Variants in LINGO2 observed in about 807,000 individuals in gnomAD.
LINGO2 encodes the protein leucine-rich repeat and immunoglobulin-like domain-containing nogo receptor-interacting protein 2.
LINGO2 carries 14 observed loss-of-function variants against 30.6 expected under a neutral mutation model. The observed-to-expected ratio is 0.46, with a 90% confidence interval of 0.30 to 0.72. LINGO2 has a LOEUF of 0.72. Among genes scored for constraint, LINGO2 ranks in the 30% least tolerant of loss-of-function variants. The probability of loss-of-function intolerance (pLI) is 0.07; values close to 1 mark genes in which losing one functional copy is unlikely to be tolerated. For missense variants in LINGO2, 729 were observed against 751.7 expected, an observed-to-expected ratio of 0.97 and a Z score of 0.35; for synonymous variants, 317 against 288.5, an observed-to-expected ratio of 1.10 and a Z score of -1.00.
rs767914308 is a variant in LINGO2, at chr9:27,949,930, C to T, written c.742G>A (p.Gly248Ser). The T allele has an allele frequency of 1.6e-5, 26 of 1,613,838 alleles. No homozygotes were observed. In the Admixed American group the frequency reaches 2.7e-4, roughly 17 times the overall value. The stretch of plus-strand genomic sequence containing the variant: ...ACTGAAAGGGATGTGAGGTTGAGAC[C>T]GTAGAGGCTATTGGCAGGCATCATA... Residue 248 changes from glycine to serine, a missense_variant, in exon 6 of 6, where the codon GGT becomes AGT. Gly to Ser is a moderately conservative substitution (Grantham distance 56, BLOSUM62 0). Transcript: ENST00000379992.
chr9:28,943,624 T>A, the LINGO2 span, among the ~76,000 whole-genome samples: 1 of 152,202 alleles, frequency 6.6e-6, no homozygotes, highest in African/African-American at 2.4e-5. Context: ...TATTGTCTTT[T>A]ATTTGCAGTC....
the LINGO2 span, among the ~76,000 whole-genome samples, chr9:28,794,671 G>A: frequency 6.6e-6 from 1 of 152,030 alleles, no homozygotes; most frequent in Non-Finnish European, 1.5e-5. Context: ...GATTTATTCT[G>A]GAAGTGTAAT....
At chr9:28,485,658 T>C (rs1430306652) in intron 1 of LINGO2, among the ~76,000 whole-genome samples, 1 of 152,100 alleles carries the variant, frequency 6.6e-6, no homozygotes, top group East Asian at 1.9e-4. Context: ...GAGTCTTCCA[T>C]TGCTCTAGAA....
At chr9:29,080,176 G>T in the LINGO2 span, among the ~76,000 whole-genome samples, 15 of 151,840 alleles carry the variant, frequency 9.9e-5, no homozygotes, top group Non-Finnish European at 1.2e-4. Flanking sequence ...GTCTTGGGAG[G>T]GGGTATGTGA....
chr9:28,280,060 C>A (rs918454173), intron 4 of LINGO2, among the ~76,000 whole-genome samples: 4 of 152,076 alleles, frequency 2.6e-5, no homozygotes, highest in Non-Finnish European at 5.9e-5. Context: ...ATATTTATAA[C>A]TATCTTCTGA....
chr9:28,088,203 T>TAC lies in LINGO2; in HGVS notation c.-86-75800_-86-75799dup, dbSNP rs56044203. Among the ~76,000 whole-genome samples, 89 of 148,616 alleles carry TAC rather than the reference T, an allele frequency of 6.0e-4. 2 individuals carry two copies. The highest frequency in any genetic ancestry group is 2.1e-3 in the African/African-American group (85 of 40,530). The stretch of plus-strand genomic sequence containing the variant: ...AAATAAGATTATATATATATAATTA[T>TAC]ACACACACACACACACACACACACA... On this transcript the variant is annotated intron_variant, in intron 4 of 5. Transcript: ENST00000379992.
chr9:29,047,912 T>C, the LINGO2 span, among the ~76,000 whole-genome samples: 1 of 152,126 alleles, frequency 6.6e-6, no homozygotes, highest in East Asian at 1.9e-4. Flanking sequence ...GAGACCAGCC[T>C]GGCCAACATG....
intron 2 of LINGO2, among the ~76,000 whole-genome samples, chr9:28,424,916 G>A (rs1469330022): frequency 6.6e-6 from 1 of 152,004 alleles, no homozygotes; most frequent in African/African-American, 2.4e-5. Context: ...ATTGGTCTTG[G>A]ATAAGTATAT....
At chr9:29,118,490 C>T in the LINGO2 span, among the ~76,000 whole-genome samples, 3 of 152,124 alleles carry the variant, frequency 2.0e-5, no homozygotes, top group African/African-American at 4.8e-5. Context: ...ATCTGGCAGC[C>T]GTTCATAGTC....
At chr9:28,345,958 A>G (rs980301901) in intron 3 of LINGO2, among the ~76,000 whole-genome samples, 2 of 152,246 alleles carry the variant, frequency 1.3e-5, no homozygotes, top group African/African-American at 4.8e-5. Context: ...AAAGAAAAAG[A>G]TTTATAAAAA....
At chr9:28,078,040 A>T (rs1825676076) in intron 4 of LINGO2, among the ~76,000 whole-genome samples, 1 of 149,384 alleles carries the variant, frequency 6.7e-6, no homozygotes, top group African/African-American at 2.6e-5. Flanking sequence ...TGTAAAACTT[A>T]AAGCTTAACA....
intron 4 of LINGO2, among the ~76,000 whole-genome samples, chr9:28,087,216 G>A (rs1482184279): frequency 6.6e-6 from 1 of 152,186 alleles, no homozygotes; most frequent in Non-Finnish European, 1.5e-5. Flanking sequence ...GATAAGATGA[G>A]ATTAACTGAG....
At chr9:29,166,887 T>C in the LINGO2 span, among the ~76,000 whole-genome samples, 1 of 152,106 alleles carries the variant, frequency 6.6e-6, no homozygotes, top group African/African-American at 2.4e-5. Flanking sequence ...AATCATGAAA[T>C]GGATAAAATA....
chr9:28,314,776 A>T (rs1374396466), intron 3 of LINGO2, among the ~76,000 whole-genome samples: 1 of 152,074 alleles, frequency 6.6e-6, no homozygotes, highest in Non-Finnish European at 1.5e-5. Flanking sequence ...CTAGGTCAGA[A>T]GATAGAGACC....
chr9:28,550,424 G>T (rs1459430868), intron 1 of LINGO2, among the ~76,000 whole-genome samples: 1 of 151,666 alleles, frequency 6.6e-6, no homozygotes, highest in East Asian at 1.9e-4. Flanking sequence ...TATTTTCAAT[G>T]ACTGTATTTT....
chr9:28,653,257 T>A (rs796495815), intron 1 of LINGO2, among the ~76,000 whole-genome samples: 1 of 152,132 alleles, frequency 6.6e-6, no homozygotes, highest in African/African-American at 2.4e-5. Context: ...TCTAGGCAGA[T>A]GAAAGCCCCA....
At chr9:28,265,013 A>T (rs1176404089) in intron 4 of LINGO2, among the ~76,000 whole-genome samples, 1 of 151,918 alleles carries the variant, frequency 6.6e-6, no homozygotes, top group East Asian at 1.9e-4. Context: ...TGATGGCCTG[A>T]CCTACAGATT....
the LINGO2 span, among the ~76,000 whole-genome samples, chr9:29,026,133 A>G: frequency 1.3e-5 from 2 of 152,026 alleles, no homozygotes; most frequent in Non-Finnish European, 2.9e-5. Flanking sequence ...CCTGCACTCA[A>G]GTGAACCTCC....
chr9:28,773,406 G>A, the LINGO2 span, among the ~76,000 whole-genome samples: 2 of 151,628 alleles, frequency 1.3e-5, no homozygotes, highest in Non-Finnish European at 2.9e-5. Context: ...AAGTTGTAGT[G>A]TTTGAAGGAT....
Sources: allele counts gnomAD v4.1 joint callset (sites outside exome capture counted in the v4.1 genomes callset), GRCh38; gene constraint gnomAD v4.1.1; transcripts MANE v1.5; gene names NCBI Gene and HGNC (gene_info 2026-07-23, HGNC 2026-07-21).